Variants in SH3RF3 observed in about 807,000 individuals in gnomAD.
SH3RF3 encodes E3 ubiquitin-protein ligase SH3RF3.
A neutral mutation model predicts 66.3 loss-of-function variants in SH3RF3; 29 were observed. The observed-to-expected ratio is 0.44, with a 90% CI of 0.33 to 0.60. SH3RF3 has a LOEUF of 0.60. Among genes scored for constraint, SH3RF3 ranks in the 20% least tolerant of loss-of-function variants. SH3RF3 has a pLI of 0.04. For synonymous variants in SH3RF3, 583 were observed against 532.0 expected (o/e 1.10, Z -1.32); for missense variants, 1,194 against 1,190.9 (o/e 1.00, Z -0.04).
At chr2:109,165,035 G>A (rs1427921295) in intron 1 of SH3RF3, among the ~76,000 whole-genome samples, 1 of 152,132 alleles carries the variant, frequency 6.6e-6, no homozygotes, top group East Asian at 1.9e-4. Context: ...TTTCCTTCAC[G>A]GAATCATTTT....
At chr2:109,453,601 G>A (rs1284381788) in intron 8 of SH3RF3, among the ~76,000 whole-genome samples, 4 of 152,156 alleles carry the variant, frequency 2.6e-5, no homozygotes, top group African/African-American at 7.2e-5. Flanking sequence ...TCTCTTACTT[G>A]TGCCCCAATC....
chr2:109,487,358 C>T lies in SH3RF3; in HGVS notation c.2149-3247C>T, dbSNP rs769718148. Among the ~76,000 whole-genome samples the T allele has an allele frequency of 9.9e-5, 15 of 152,152 alleles. No individual in the cohort carries two copies. The East Asian group carries it at 2.9e-3, about 29-fold the overall frequency. On this transcript the variant is annotated intron_variant, in intron 8 of 9. Coordinates refer to ENST00000309415, the MANE Select transcript of SH3RF3 (RefSeq NM_001099289.3). ...ACGACCACCAGGGAAGTGCCTAGAC[C>T]GTCTACCTCCATATTCCATGGATTC...
intron 2 of SH3RF3, among the ~76,000 whole-genome samples, chr2:109,358,029 A>G (rs1340573185): frequency 3.3e-5 from 5 of 152,086 alleles, no homozygotes; most frequent in Non-Finnish European, 7.3e-5. Flanking sequence ...TGCCCTGAAA[A>G]TCCTCTGACC....
chr2:109,490,516 C>A (rs983139325), intron 8 of SH3RF3, 89 bp from the exon 9 acceptor site: 19 of 1,082,554 alleles, frequency 1.8e-5, no homozygotes, highest in Non-Finnish European at 2.1e-5. Context: ...AATAAAGTTC[C>A]ACATAGGAAG....
intron 1 of SH3RF3, among the ~76,000 whole-genome samples, chr2:109,307,469 T>A (rs957506617): frequency 6.6e-6 from 1 of 150,388 alleles, no homozygotes; most frequent in Non-Finnish European, 1.5e-5. Flanking sequence ...CATGTGCACA[T>A]TGTGCAGGTT....
chr2:109,141,954 TCAAA>T (rs1445074395), intron 1 of SH3RF3, among the ~76,000 whole-genome samples: 4 of 151,936 alleles, frequency 2.6e-5, no homozygotes, highest in Non-Finnish European at 4.4e-5. Context: ...CACGGAAGTC[TCAAA>T]CAAACTTCTG....
rs557857620 is a variant in SH3RF3 at position 109,435,027 on chromosome 2, T to A, written c.1575-1866T>A. Among the ~76,000 whole-genome samples, 274 of 152,240 alleles carry A rather than the reference T, an allele frequency of 1.8e-3. 2 individuals carry two copies. Among genetic ancestry groups the A allele is most frequent in the Non-Finnish European group, 3.3e-3 (225 of 68,002 alleles). On this transcript the variant is annotated intron_variant, in intron 6 of 9. Transcript: ENST00000309415. ...CTGTGCACCTCATGGTTGCTCACTC[T>A]CCTCAAGCCCTCTTGGTCTGTGTTT...
At chr2:109,287,359 C>G (rs1174504509) in intron 1 of SH3RF3, among the ~76,000 whole-genome samples, 1 of 152,172 alleles carries the variant, frequency 6.6e-6, no homozygotes, top group African/African-American at 2.4e-5. Flanking sequence ...TACATCTTGA[C>G]TCTGAACCAC....
At chr2:109,445,600 A>G (rs989756000) in intron 7 of SH3RF3, among the ~76,000 whole-genome samples, 1 of 152,218 alleles carries the variant, frequency 6.6e-6, no homozygotes, top group Non-Finnish European at 1.5e-5. Flanking sequence ...GGGAGAGACA[A>G]CTGGTTAATA....
At chr2:109,162,089 G>T (rs1677503142) in intron 1 of SH3RF3, among the ~76,000 whole-genome samples, 1 of 152,164 alleles carries the variant, frequency 6.6e-6, no homozygotes, top group African/African-American at 2.4e-5. Context: ...AATTCTGCTG[G>T]CTGGCAGAGA....
intron 1 of SH3RF3, among the ~76,000 whole-genome samples, chr2:109,283,571 G>C (rs990207852): frequency 1.3e-5 from 2 of 152,154 alleles, no homozygotes; most frequent in Non-Finnish European, 2.9e-5. Context: ...GAGCAGGATG[G>C]GGGCACACTT....
At chr2:109,348,018 C>T (rs997300426) in intron 2 of SH3RF3, 69 bp downstream of exon 2, 13 of 1,518,960 alleles carry the variant, frequency 8.6e-6, no homozygotes, top group Non-Finnish European at 1.2e-5. Flanking sequence ...CTCTTCCCAG[C>T]CACAGACCTA....
intron 5 of SH3RF3, among the ~76,000 whole-genome samples, chr2:109,425,325 A>G (rs56060408): frequency 0.062 from 9,376 of 152,330 alleles, 380 homozygotes; most frequent in South Asian, 0.11. Context: ...GTAGCAAGTT[A>G]TCCAGAAGAT....
intron 2 of SH3RF3, among the ~76,000 whole-genome samples, chr2:109,369,343 G>A (rs971400870): frequency 1.4e-4 from 21 of 152,176 alleles, no homozygotes; most frequent in Admixed American, 6.5e-4. Context: ...ACAAGACTCC[G>A]TCTAAAAAAA....
intron 1 of SH3RF3, among the ~76,000 whole-genome samples, chr2:109,278,010 C>CAAAAA (rs58675048): frequency 1.4e-4 from 11 of 81,284 alleles, no homozygotes; most frequent in African/African-American, 2.1e-4. Flanking sequence ...CTGTCTCTAA[C>CAAAAA]AAAAAAAAAA....
At chr2:109,380,251 T>C (rs1012416886) in intron 3 of SH3RF3, among the ~76,000 whole-genome samples, 6 of 152,208 alleles carry the variant, frequency 3.9e-5, no homozygotes, top group Non-Finnish European at 8.8e-5. Flanking sequence ...TTCGTGAAAT[T>C]AACATCTTAT....
chr2:109,363,379 T>G (rs1683090762), intron 2 of SH3RF3, among the ~76,000 whole-genome samples: 1 of 152,212 alleles, frequency 6.6e-6, no homozygotes, highest in African/African-American at 2.4e-5. Flanking sequence ...TCCTGTTCCT[T>G]GTATCATTGG....
At chr2:109,297,467 G>A (rs1292341884) in intron 1 of SH3RF3, among the ~76,000 whole-genome samples, 1 of 152,022 alleles carries the variant, frequency 6.6e-6, no homozygotes, top group Non-Finnish European at 1.5e-5. Flanking sequence ...CCAGAGGGGT[G>A]CCTGGTGTGG....
At chr2:109,138,404 G>T (rs1043716006) in intron 1 of SH3RF3, among the ~76,000 whole-genome samples, 5 of 152,204 alleles carry the variant, frequency 3.3e-5, no homozygotes, top group African/African-American at 1.2e-4. Flanking sequence ...AAAACAAAAG[G>T]CTTGGGAGTT....
Sources: gnomAD v4.1 joint callset for allele counts (sites outside exome capture counted in the v4.1 genomes callset) on GRCh38, gnomAD v4.1.1 for gene constraint, MANE v1.5 for transcripts, NCBI Gene and HGNC (gene_info 2026-07-23, HGNC 2026-07-21) for gene names.